The following SHROOM4 variants were observed in gnomAD, a reference collection of about 807,000 sequenced individuals.
The protein encoded by SHROOM4 is shroom family member 4.
In SHROOM4, 17 loss-of-function variants were observed where a neutral mutation model predicts 80.3. The ratio of observed to expected loss-of-function variants is 0.21; its 90% CI spans 0.14 to 0.32. SHROOM4 has a LOEUF of 0.32. Among genes scored for constraint, SHROOM4 ranks in the 10% least tolerant of loss-of-function variants. SHROOM4 has a pLI of 1.00. For synonymous variants in SHROOM4, 400 were observed against 437.5 expected (o/e 0.91, Z 1.07); for missense variants, 993 against 1,140.3 (o/e 0.87, Z 1.86).
In SHROOM4 at chrX:50,633,485, C is replaced by T. The variant is rs1557254683; in HGVS notation, c.2588G>A (p.Ser863Asn). Residue 863 changes from serine to asparagine, a missense_variant, in exon 4 of 9, where the codon AGC (serine) becomes AAC (asparagine). Transcript: ENST00000376020. ...ETPTYSECFA[S>N]KGLENSMCCK... ...ACACATGGAATTTTCTAGACCTTTG[C>T]TTGCAAAACATTCTGAGTAAGTGGG... The T allele has an allele frequency of 2.1e-5, 25 of 1,211,702 alleles. No homozygotes were observed. Among genetic ancestry groups the T allele is most frequent in the Non-Finnish European group, 2.7e-5 (24 of 895,518 alleles).
the SHROOM4 span, among the ~76,000 whole-genome samples, chrX:50,576,615 G>A: frequency 4.5e-5 from 5 of 111,564 alleles, no homozygotes; most frequent in Non-Finnish European, 3.8e-5. Flanking sequence ...GTGTGTGTGT[G>A]TGTGTTTGTG....
At chrX:50,770,850 A>G (rs1190406441) in intron 1 of SHROOM4, among the ~76,000 whole-genome samples, 2 of 111,728 alleles carry the variant, frequency 1.8e-5, no homozygotes, top group Non-Finnish European at 3.8e-5. Flanking sequence ...AGAGGCCAAG[A>G]GCATCATTCT....
chrX:50,714,506 T>C (rs1933898609), intron 1 of SHROOM4, among the ~76,000 whole-genome samples: 1 of 111,853 alleles, frequency 8.9e-6, no homozygotes, highest in South Asian at 3.7e-4. Context: ...CATTACACAT[T>C]ATATGCATGT....
chrX:50,610,352 T>TCTCACACACACACACACACA lies in SHROOM4; in HGVS notation c.2958-2169_2958-2168insTGTGTGTGTGTGTGTGTGAG, dbSNP rs782591424. On this transcript the variant is annotated intron_variant, in intron 5 of 8. Coordinates refer to ENST00000376020, the MANE Select transcript of SHROOM4 (RefSeq NM_020717.5). Reference sequence around the variant, plus strand: ...GGCATATTCTCTCTCTCTCTCTCTCTCACACACACACACACACACACACAC... The same window carrying TCTCACACACACACACACACA: ...GGCATATTCTCTCTCTCTCTCTCTCTCTCACACACACACACACACACACACACACACACACACACACACAC... 8.2e-3 allele frequency among the ~76,000 whole-genome samples: 755 copies of TCTCACACACACACACACACA among 91,672 alleles called. 4 individuals carry two copies. The highest frequency in any genetic ancestry group is 0.014 in the Non-Finnish European group (656 of 47,694). The allele number at this position is 91,672 out of a possible 115,157, so 79.6% of individuals were successfully genotyped here.
intron 1 of SHROOM4, among the ~76,000 whole-genome samples, chrX:50,776,897 C>G (rs1472583831): frequency 9.1e-6 from 1 of 109,754 alleles, no homozygotes; most frequent in Non-Finnish European, 1.9e-5. Context: ...CTATATTGCC[C>G]AGGCTGTCTC....
intron 2 of SHROOM4, among the ~76,000 whole-genome samples, chrX:50,674,459 C>G (rs192101732): frequency 9.0e-6 from 1 of 110,978 alleles, no homozygotes; most frequent in Admixed American, 9.6e-5. Context: ...GTTGCAAAAG[C>G]AATTCAATGG....
intron 2 of SHROOM4, among the ~76,000 whole-genome samples, chrX:50,660,525 TCTCC>T (rs782232863): frequency 0.088 from 5,950 of 67,650 alleles, 681 homozygotes; most frequent in Admixed American, 0.22. Flanking sequence ...TCTCTCTCTC[TCTCC>T]CTCCCTCCCT....
chrX:50,793,672 T>C (rs1297661064), intron 1 of SHROOM4, among the ~76,000 whole-genome samples: 1 of 106,534 alleles, frequency 9.4e-6, no homozygotes, highest in Non-Finnish European at 1.9e-5. Flanking sequence ...TAAAGGGTCA[T>C]GAATGCTGCA....
intron 5 of SHROOM4, among the ~76,000 whole-genome samples, chrX:50,610,348 T>TCA (rs1173798658): frequency 2.3e-4 from 15 of 65,805 alleles, no homozygotes; most frequent in African/African-American, 1.2e-3. Flanking sequence ...TCTCTCTCTC[T>TCA]CTCTCACACA....
chrX:50,683,198 T>C (rs1168161032), intron 2 of SHROOM4, among the ~76,000 whole-genome samples: 1 of 111,607 alleles, frequency 9.0e-6, no homozygotes, highest in East Asian at 2.8e-4. Flanking sequence ...ATATATATCC[T>C]ATTAGTTCTG....
intron 2 of SHROOM4, among the ~76,000 whole-genome samples, chrX:50,678,071 C>A (rs1192393120): frequency 8.9e-6 from 1 of 111,777 alleles, no homozygotes; most frequent in Non-Finnish European, 1.9e-5. Flanking sequence ...GGGAACAGAG[C>A]AAAACCACTC....
chrX:50,615,758 C>A (rs1446859744), intron 5 of SHROOM4, among the ~76,000 whole-genome samples: 1 of 111,035 alleles, frequency 9.0e-6, no homozygotes, highest in Non-Finnish European at 1.9e-5. Flanking sequence ...TCCAATTGCT[C>A]CAGAATCTGA....
intron 1 of SHROOM4, among the ~76,000 whole-genome samples, chrX:50,754,050 C>T (rs1461454945): frequency 4.5e-5 from 5 of 112,231 alleles, no homozygotes; most frequent in African/African-American, 1.6e-4. Context: ...TTAGTAAAAA[C>T]TCAACAATTG....
intron 6 of SHROOM4, among the ~76,000 whole-genome samples, chrX:50,606,501 A>C (rs1431109181): frequency 9.1e-6 from 1 of 110,270 alleles, no homozygotes; most frequent in Non-Finnish European, 1.9e-5. Context: ...AGCTCTCCAC[A>C]GGAGAGCAGG....
At chrX:50,603,141 T>A (rs1462793661) in intron 6 of SHROOM4, among the ~76,000 whole-genome samples, 3 of 111,373 alleles carry the variant, frequency 2.7e-5, no homozygotes, top group African/African-American at 9.8e-5. Flanking sequence ...CTTTGGTGCA[T>A]GACCCCAGTA....
chrX:50,702,361 G>A (rs1235164857), intron 1 of SHROOM4, among the ~76,000 whole-genome samples: 1 of 111,426 alleles, frequency 9.0e-6, no homozygotes, highest in African/African-American at 3.3e-5. Context: ...AGAAATAAGT[G>A]CACGTGTCCA....
At chrX:50,656,734 T>A (rs1254532276) in intron 2 of SHROOM4, among the ~76,000 whole-genome samples, 1 of 109,929 alleles carries the variant, frequency 9.1e-6, no homozygotes, top group African/African-American at 3.3e-5. Flanking sequence ...CTATTTGGGG[T>A]CTTTTGTGGT....
At chrX:50,786,642 G>T (rs918521036) in intron 1 of SHROOM4, among the ~76,000 whole-genome samples, 1 of 111,318 alleles carries the variant, frequency 9.0e-6, no homozygotes, top group African/African-American at 3.3e-5. Flanking sequence ...TCTCTAGCTG[G>T]CCTGACTGAT....
At chrX:50,781,373 A>G (rs1557270653) in intron 1 of SHROOM4, among the ~76,000 whole-genome samples, 1 of 111,406 alleles carries the variant, frequency 9.0e-6, no homozygotes, top group African/African-American at 3.3e-5. Context: ...AAGGGAAAAC[A>G]AATGTTGGAA....
Sources: allele counts gnomAD v4.1 joint callset (sites outside exome capture counted in the v4.1 genomes callset), GRCh38; gene constraint gnomAD v4.1.1; transcripts MANE v1.5; gene names NCBI Gene and HGNC (gene_info 2026-07-23, HGNC 2026-07-21).